The following IPO8 variants were observed in gnomAD, a reference collection of about 807,000 sequenced individuals.
IPO8 encodes importin-8.
Under a neutral mutation model 141.2 loss-of-function variants are expected in IPO8, and 65 were observed. That is an observed-to-expected ratio of 0.46 (90% confidence interval 0.38 to 0.57). The LOEUF is 0.57. Ranked by LOEUF, IPO8 falls within the 20% of genes least tolerant of loss-of-function variation. IPO8 has a pLI of 0.00. For synonymous variants in IPO8, 411 were observed against 420.3 expected (o/e 0.98, Z 0.27); for missense variants, 980 against 1,246.8 (o/e 0.79, Z 3.22).
chr12:30,636,776 A>G (rs1259883576), intron 22 of IPO8, among the ~76,000 whole-genome samples: 1 of 152,174 alleles, frequency 6.6e-6, no homozygotes, highest in Non-Finnish European at 1.5e-5. Context: ...CGCTGAGTAT[A>G]TTAGGTGTCA....
chr12:30,691,044 T>C (rs148158073), intron 1 of IPO8, among the ~76,000 whole-genome samples: 52 of 152,344 alleles, frequency 3.4e-4, no homozygotes, highest in African/African-American at 1.2e-3. Context: ...GTATTTGCTT[T>C]ATTCTTAATA....
At chr12:30,663,978 C>T (rs2052924962) in intron 13 of IPO8, among the ~76,000 whole-genome samples, 1 of 152,152 alleles carries the variant, frequency 6.6e-6, no homozygotes, top group South Asian at 2.1e-4. Flanking sequence ...AAAGCAACTC[C>T]AAACCAGTAT....
chr12:30,661,308 G>T, intron 15 of IPO8, 42 bp from the exon 16 acceptor site: 1 of 1,513,592 alleles, frequency 6.6e-7, no homozygotes. Context: ...TAGTAGTACT[G>T]TTACGTCCCC....
At chr12:30,690,329 T>C (rs1018470607) in intron 2 of IPO8, among the ~76,000 whole-genome samples, 167 bp downstream of exon 2, 1 of 152,224 alleles carries the variant, frequency 6.6e-6, no homozygotes, top group Non-Finnish European at 1.5e-5. Context: ...TATCTACCTC[T>C]AAATTTCTGG....
At chr12:30,648,964 G>A (rs1169431859) in intron 20 of IPO8, among the ~76,000 whole-genome samples, 173 bp downstream of exon 20, 1 of 151,982 alleles carries the variant, frequency 6.6e-6, no homozygotes, top group African/African-American at 2.4e-5. Flanking sequence ...ACAATGCAAG[G>A]TACGGTTTCC....
Position 30,650,052 on chromosome 12 carries a change from C to T in IPO8, c.2173-820G>A, listed in dbSNP as rs570541190. On this transcript the variant is annotated intron_variant, in intron 19 of 24. Transcript: ENST00000256079. ...AAATTCATTGAAAAAAAAGACTTAA[C>T]GAAGTAAGAAGCTTTTTATATAAGT... is the stretch of plus-strand genomic sequence containing the variant. 3.4e-5 allele frequency among the ~76,000 whole-genome samples: 5 copies of T among 148,950 alleles called. No individual in the cohort carries two copies. In the South Asian group the frequency reaches 6.5e-4, roughly 19 times the overall value.
chr12:30,692,585 G>A (rs1591849027), intron 1 of IPO8, among the ~76,000 whole-genome samples: 2 of 152,202 alleles, frequency 1.3e-5, no homozygotes. Context: ...TACGCAGTTT[G>A]CTTAACTAAA....
intron 10 of IPO8, among the ~76,000 whole-genome samples, chr12:30,668,844 T>C (rs1484171031): frequency 1.3e-5 from 2 of 152,126 alleles, no homozygotes; most frequent in African/African-American, 4.8e-5. Context: ...TCCAAAGTAT[T>C]TCCCACATGA....
chr12:30,694,833 CT>C, intron 1 of IPO8: 1 of 349,562 alleles, frequency 2.9e-6, no homozygotes, highest in Non-Finnish European at 5.7e-6. Context: ...AAGAAATAAG[CT>C]GGAGTTTGGG....
chr12:30,661,391 C>A, intron 15 of IPO8, 125 bp from the exon 16 acceptor site: 4 of 685,408 alleles, frequency 5.8e-6, no homozygotes, highest in Non-Finnish European at 8.8e-6. Context: ...GAAGTCTGCA[C>A]TTTGCTGACT....
intron 20 of IPO8, among the ~76,000 whole-genome samples, chr12:30,640,248 G>T (rs940748435): frequency 6.6e-6 from 1 of 152,042 alleles, no homozygotes; most frequent in African/African-American, 2.4e-5. Context: ...CAATTCTAAG[G>T]TGCAATATTG....
intron 2 of IPO8, among the ~76,000 whole-genome samples, chr12:30,687,217 TTAAA>T (rs1212506950): frequency 2.0e-5 from 3 of 152,258 alleles, no homozygotes; most frequent in African/African-American, 7.2e-5. Context: ...TAATAATAGA[TTAAA>T]TAGAGCAGAA....
chr12:30,657,671 A>T (rs1357038599), intron 16 of IPO8, among the ~76,000 whole-genome samples: 2 of 152,124 alleles, frequency 1.3e-5, no homozygotes, highest in African/African-American at 2.4e-5. Flanking sequence ...TATCCACTAA[A>T]CCGGGACTGG....
At chr12:30,638,215 C>T (rs1300944945) in intron 21 of IPO8, among the ~76,000 whole-genome samples, 3 of 152,150 alleles carry the variant, frequency 2.0e-5, no homozygotes, top group Non-Finnish European at 4.4e-5. Context: ...GAGAACCAAC[C>T]GCTTAACTTT....
At chr12:30,682,211 C>T (rs948730749) in intron 3 of IPO8, among the ~76,000 whole-genome samples, 3 of 152,044 alleles carry the variant, frequency 2.0e-5, no homozygotes, top group African/African-American at 7.2e-5. Flanking sequence ...AACAGATAAA[C>T]CTAGTCTAAA....
chr12:30,670,211 A>G (rs543969492), intron 9 of IPO8, among the ~76,000 whole-genome samples: 1 of 152,320 alleles, frequency 6.6e-6, no homozygotes, highest in Admixed American at 6.5e-5. Flanking sequence ...CAAAGAAAAG[A>G]TATCTGTTGG....
rs1390661152 is a variant in IPO8, at chr12:30,695,859, C to T, written c.-212G>A. The T allele has an allele frequency of 9.7e-6, 5 of 517,998 alleles. No individual in the cohort carries two copies. The highest frequency in any genetic ancestry group is 1.4e-5 in the Non-Finnish European group (4 of 289,122). 32.1% of individuals were successfully genotyped at this position (517,998 alleles called of 1,614,324 possible). A position where few individuals can be genotyped will look rare whatever the true frequency, so the allele number is the denominator to read the frequency against. ...TCCCCCCCACAACTCGCTCTCCATT[C>T]ACCGTTTTACGACAGCCGGTGGGAG... On this transcript the variant is annotated 5_prime_UTR_variant, in exon 1 of 25. Transcript: ENST00000256079. The surrounding 1 kb of genome is among the most constrained non-coding windows in gnomAD (Gnocchi z 4.2).
rs1427471569 is a variant in IPO8 at position 30,634,193 on chromosome 12, T to A, written c.2789A>T (p.Asp930Val). The change falls in exon 23 of 25, where the codon GAT (aspartate) becomes GTT (valine). Residue 930 changes from aspartate to valine, a missense_variant. Around this residue, in one of 3 missense-constraint regions of IPO8, gnomAD observed 924 missense variants for 1,153.9 expected, o/e 0.80. Transcript: ENST00000256079. ...TTCCAATACTTCTTCATCCCAGTCATCATCTTCCTCCTCCTCATCTTCACC... is the reference window on the plus strand; with the variant it reads ...TTCCAATACTTCTTCATCCCAGTCAACATCTTCCTCCTCCTCATCTTCACC... ...GRGEDEEEEDDDWDEEVLEET... is the reference protein window; with the variant it reads ...GRGEDEEEEDVDWDEEVLEET... 6 of 1,614,004 alleles carry A rather than the reference T, an allele frequency of 3.7e-6. No homozygotes were observed. Among genetic ancestry groups the A allele is most frequent in the Non-Finnish European group, 5.1e-6 (6 of 1,179,898 alleles).
chr12:30,672,695 C>T (rs918777691), intron 8 of IPO8, among the ~76,000 whole-genome samples: 37 of 152,054 alleles, frequency 2.4e-4, no homozygotes, highest in Non-Finnish European at 5.0e-4. Flanking sequence ...GTGGACAGCA[C>T]TGGGAGGGGC....
Sources: allele counts gnomAD v4.1 joint callset (sites outside exome capture counted in the v4.1 genomes callset), GRCh38; gene constraint gnomAD v4.1.1; regional missense constraint gnomAD v4.1.1; non-coding constraint Gnocchi (gnomAD v3.1); transcripts MANE v1.5; gene names NCBI Gene and HGNC (gene_info 2026-07-23, HGNC 2026-07-21).